CAMTA1: variants seen among roughly 807,000 people sequenced by gnomAD.
CAMTA1 encodes the protein calmodulin-binding transcription activator 1.
CAMTA1 carries 27 observed loss-of-function variants against 170.9 expected under a neutral mutation model. The ratio of observed to expected loss-of-function variants is 0.16; its 90% CI spans 0.12 to 0.22. The LOEUF (loss-of-function observed/expected upper bound fraction) is 0.22. Ranked by LOEUF, CAMTA1 falls within the 10% of genes least tolerant of loss-of-function variation. The pLI is 1.00. For synonymous variants in CAMTA1, 833 were observed against 891.5 expected (o/e 0.93, Z 1.17); for missense variants, 1,619 against 2,217.2 (o/e 0.73, Z 5.42).
At chr1:6,863,599 C>G (rs114336773) in intron 3 of CAMTA1, among the ~76,000 whole-genome samples, 17 of 152,184 alleles carry the variant, frequency 1.1e-4, no homozygotes, top group African/African-American at 4.1e-4. Context: ...GCCTCCCAGG[C>G]GATCAAGTCA....
chr1:7,500,429 TG>T (rs1308067861), intron 6 of CAMTA1, among the ~76,000 whole-genome samples: 10 of 149,342 alleles, frequency 6.7e-5, no homozygotes, highest in African/African-American at 2.5e-4. Context: ...GTGAGCCTGT[TG>T]TGTGTGTGTG....
At chr1:7,174,544 C>T (rs1385982335) in intron 4 of CAMTA1, among the ~76,000 whole-genome samples, 3 of 152,208 alleles carry the variant, frequency 2.0e-5, no homozygotes, top group Admixed American at 1.3e-4. Flanking sequence ...GGTGAAGCCA[C>T]GATTCGGGAG....
intron 4 of CAMTA1, among the ~76,000 whole-genome samples, chr1:7,159,667 G>A (rs1319347303): frequency 1.3e-5 from 2 of 152,010 alleles, no homozygotes; most frequent in Non-Finnish European, 2.9e-5. Context: ...CCTCAGTCTC[G>A]CAAGTAGCTA....
Position 7,732,494 on chromosome 1 carries a change from G to C in CAMTA1, c.2961G>C (p.Glu987Asp), listed in dbSNP as rs762808030. Residue 987 changes from glutamate (E) to aspartate (D), a missense_variant, in exon 12 of 23, where the codon GAG becomes GAC. Around this residue, in one of 8 missense-constraint regions of CAMTA1, gnomAD observed 143 missense variants for 184.2 expected, o/e 0.78. Transcript: ENST00000303635. This position sits in a 1 kb window ranked among gnomAD's most constrained non-coding sequence, Gnocchi z 4.1. ...MSILERLEQM[E>D]RRMAEMTGSQ... The stretch of plus-strand genomic sequence containing the variant: ...TCCTGGAACGACTGGAGCAGATGGA[G>C]AGGAGGATGGCCGAGATGACGGGGT... The C allele has an allele frequency of 6.2e-7, 1 of 1,614,046 alleles. No individual in the cohort carries two copies. The highest frequency in any genetic ancestry group is 8.5e-7 in the Non-Finnish European group (1 of 1,180,032).
In CAMTA1 at chr1:7,736,288, T is replaced by G; in HGVS notation, c.3067-56T>G. ...ATTTGTTTCCCCTACATCGAAGCGC[T>G]GATGGGGTCGAGGGCCTTTAGTCCT... On this transcript the variant is annotated intron_variant, in intron 12 of 22. Transcript: ENST00000303635. The surrounding 1 kb of genome is among the most constrained non-coding windows in gnomAD (Gnocchi z 4.5). The G allele has an allele frequency of 6.8e-7, 1 of 1,475,832 alleles. No homozygotes were observed. Among genetic ancestry groups the G allele is most frequent in the East Asian group, 2.3e-5 (1 of 42,794 alleles). The allele number at this position is 1,475,832 out of a possible 1,614,324, so 91.4% of individuals were successfully genotyped here.
At chr1:6,822,764 G>A (rs574356345) in intron 2 of CAMTA1, among the ~76,000 whole-genome samples, 215 of 151,362 alleles carry the variant, frequency 1.4e-3, no homozygotes, top group Non-Finnish European at 2.4e-3. Context: ...TAATTGTGCT[G>A]TTGAGAAGAG....
chr1:7,281,835 G>GTGTGTGTA (rs1671561883), intron 5 of CAMTA1, among the ~76,000 whole-genome samples: 1 of 149,766 alleles, frequency 6.7e-6, no homozygotes, highest in Admixed American at 6.7e-5. Flanking sequence ...GTGTGTGTGT[G>GTGTGTGTA]TGTGTGTGTA....
chr1:7,267,756 T>G (rs570425729), intron 5 of CAMTA1, among the ~76,000 whole-genome samples: 18 of 152,248 alleles, frequency 1.2e-4, no homozygotes, highest in African/African-American at 4.1e-4. Flanking sequence ...AGGGATTGGT[T>G]GTCATGAGGG....
chr1:7,406,140 T>C (rs1575146138), intron 5 of CAMTA1, among the ~76,000 whole-genome samples: 1 of 152,368 alleles, frequency 6.6e-6, no homozygotes, highest in East Asian at 1.9e-4. Context: ...AAGTAAATCT[T>C]GTCCAGTCTC....
chr1:7,763,457 A>G (rs1354951260), intron 22 of CAMTA1, among the ~76,000 whole-genome samples: 2 of 152,240 alleles, frequency 1.3e-5, no homozygotes, highest in South Asian at 2.1e-4. Flanking sequence ...CTGCGTAGAC[A>G]TTGTACGTGG....
chr1:7,217,197 C>T (rs901537087), intron 4 of CAMTA1, among the ~76,000 whole-genome samples: 1 of 152,134 alleles, frequency 6.6e-6, no homozygotes, highest in African/African-American at 2.4e-5. Flanking sequence ...GAGATCTGAT[C>T]GTTTTATAAG....
chr1:7,149,695 G>C (rs995073733), intron 4 of CAMTA1, among the ~76,000 whole-genome samples: 1 of 152,168 alleles, frequency 6.6e-6, no homozygotes, highest in Non-Finnish European at 1.5e-5. Flanking sequence ...CTCCAAGCAC[G>C]GCCGTCCCTG....
intron 3 of CAMTA1, among the ~76,000 whole-genome samples, chr1:6,906,915 A>G (rs1436229785): frequency 6.6e-6 from 1 of 152,222 alleles, no homozygotes; most frequent in Admixed American, 6.5e-5. Context: ...CATGTGGGCA[A>G]CTAAGGAGAA....
At chr1:7,261,596 C>T (rs1668177940) in intron 5 of CAMTA1, among the ~76,000 whole-genome samples, 1 of 152,230 alleles carries the variant, frequency 6.6e-6, no homozygotes. Flanking sequence ...CCAAGGACAG[C>T]AGATCAGAAT....
intron 5 of CAMTA1, among the ~76,000 whole-genome samples, chr1:7,326,670 G>T (rs142165147): frequency 6.6e-6 from 1 of 152,308 alleles, no homozygotes; most frequent in African/African-American, 2.4e-5. Context: ...GATAAGAAAA[G>T]ATTCTCCCTC....
At chr1:7,018,117 C>T (rs1412796317) in intron 3 of CAMTA1, among the ~76,000 whole-genome samples, 1 of 152,160 alleles carries the variant, frequency 6.6e-6, no homozygotes, top group Non-Finnish European at 1.5e-5. Flanking sequence ...GTGTGCGGCA[C>T]CACGCCTGGC....
chr1:7,359,768 G>A (rs145919515), intron 5 of CAMTA1, among the ~76,000 whole-genome samples: 10 of 152,288 alleles, frequency 6.6e-5, no homozygotes, highest in Middle Eastern at 6.8e-3. Flanking sequence ...TACAGGGTGC[G>A]GTGTTTGCAT....
intron 6 of CAMTA1, among the ~76,000 whole-genome samples, chr1:7,583,891 G>A (rs1193094685): frequency 6.6e-6 from 1 of 152,108 alleles, no homozygotes; most frequent in African/African-American, 2.4e-5. Context: ...GTCTGAGGTT[G>A]GCCACGTGAG....
intron 3 of CAMTA1, among the ~76,000 whole-genome samples, chr1:6,968,385 G>T (rs1691940198): frequency 6.6e-6 from 1 of 152,144 alleles, no homozygotes; most frequent in African/African-American, 2.4e-5. Flanking sequence ...TAGCCCCCAC[G>T]GTGGAGATAC....
Sources: gnomAD v4.1 joint callset for allele counts (sites outside exome capture counted in the v4.1 genomes callset) on GRCh38, gnomAD v4.1.1 for gene constraint, gnomAD v4.1.1 regional missense constraint, Gnocchi (gnomAD v3.1) non-coding constraint, MANE v1.5 for transcripts, NCBI Gene and HGNC (gene_info 2026-07-23, HGNC 2026-07-21) for gene names.